The following TRPC4 variants were observed in gnomAD, a reference collection of about 807,000 sequenced individuals.
TRPC4 encodes the protein transient receptor potential cation channel subfamily C member 4, also known as short transient receptor potential channel 4.
Under a neutral mutation model 99.4 loss-of-function variants are expected in TRPC4, and 49 were observed. The observed-to-expected ratio is 0.49, with a 90% CI of 0.39 to 0.63. The LOEUF (loss-of-function observed/expected upper bound fraction) is 0.63. Among genes scored for constraint, TRPC4 ranks in the 20% least tolerant of loss-of-function variants. TRPC4 has a pLI of 0.00. For synonymous variants in TRPC4, 454 were observed against 425.9 expected (o/e 1.07, Z -0.81); for missense variants, 898 against 1,152.9 (o/e 0.78, Z 3.20).
At chr13:37,718,835 G>A (rs1403234105) in intron 3 of TRPC4, among the ~76,000 whole-genome samples, 3 of 152,002 alleles carry the variant, frequency 2.0e-5, no homozygotes, top group Non-Finnish European at 4.4e-5. Context: ...AACAGAAAGA[G>A]AATGAGTCAG....
chr13:37,741,934 G>GAAAAA (rs369211542), intron 3 of TRPC4, among the ~76,000 whole-genome samples: 294 of 145,796 alleles, frequency 2.0e-3, no homozygotes, highest in African/African-American at 7.0e-3. Context: ...ATTTTTTCAT[G>GAAAAA]AAAAAAAAAA....
intron 2 of TRPC4, among the ~76,000 whole-genome samples, chr13:37,756,665 T>C (rs945034781): frequency 6.6e-6 from 1 of 151,872 alleles, no homozygotes; most frequent in Admixed American, 6.6e-5. Context: ...CCCGAGTAGC[T>C]GGGATTACAG....
chr13:37,750,515 T>C (rs1271778969), intron 2 of TRPC4, among the ~76,000 whole-genome samples: 4 of 152,150 alleles, frequency 2.6e-5, no homozygotes, highest in Non-Finnish European at 5.9e-5. Context: ...ATGGATATAA[T>C]CATATAATTA....
At chr13:37,711,543 T>C (rs538952061) in intron 3 of TRPC4, among the ~76,000 whole-genome samples, 81 of 152,132 alleles carry the variant, frequency 5.3e-4, no homozygotes, top group Non-Finnish European at 8.4e-4. Context: ...ATCACCAAAA[T>C]GTGAATAAAT....
chr13:37,824,202 A>G (rs1346150226), intron 1 of TRPC4, among the ~76,000 whole-genome samples: 1 of 150,946 alleles, frequency 6.6e-6, no homozygotes, highest in Non-Finnish European at 1.5e-5. Context: ...TAGATATAAA[A>G]TCATGTCATC....
intron 6 of TRPC4, among the ~76,000 whole-genome samples, chr13:37,660,516 T>G (rs867426637): frequency 7.2e-5 from 11 of 152,092 alleles, no homozygotes; most frequent in Non-Finnish European, 1.5e-4. Context: ...ATGAAAGGAA[T>G]GAAACAGGAG....
intron 1 of TRPC4, among the ~76,000 whole-genome samples, chr13:37,795,992 T>C (rs1296408277): frequency 1.3e-5 from 2 of 152,078 alleles, no homozygotes; most frequent in Non-Finnish European, 2.9e-5. Flanking sequence ...ATGCTGATGG[T>C]TTCAGTGAGA....
intron 2 of TRPC4, among the ~76,000 whole-genome samples, chr13:37,752,032 CA>C (rs1233838197): frequency 8.4e-6 from 1 of 118,622 alleles, no homozygotes; most frequent in Non-Finnish European, 1.8e-5. Context: ...CTATATATAG[CA>C]GAAAGCTTCA....
chr13:37,856,086 CA>C (rs1313047397), intron 1 of TRPC4, among the ~76,000 whole-genome samples: 1 of 151,558 alleles, frequency 6.6e-6, no homozygotes, highest in Non-Finnish European at 1.5e-5. Context: ...ATCAATGAAA[CA>C]AAAAGTTTGT....
chr13:37,753,660 A>G (rs1464605912), intron 2 of TRPC4, among the ~76,000 whole-genome samples: 1 of 152,036 alleles, frequency 6.6e-6, no homozygotes, highest in Non-Finnish European at 1.5e-5. Flanking sequence ...TAAAGCAAAC[A>G]TATCAGAGAA....
chr13:37,677,551 C>T (rs781404755), intron 4 of TRPC4, among the ~76,000 whole-genome samples: 14 of 151,986 alleles, frequency 9.2e-5, no homozygotes, highest in African/African-American at 3.1e-4. Context: ...AGCAATGTTA[C>T]TAGGTATATA....
intron 1 of TRPC4, among the ~76,000 whole-genome samples, chr13:37,829,226 T>G (rs1454486604): frequency 6.6e-6 from 1 of 152,176 alleles, no homozygotes; most frequent in East Asian, 1.9e-4. Context: ...AAAGGTCTTG[T>G]GTCCAGAATA....
chr13:37,762,568 G>A (rs1956251304), intron 2 of TRPC4, among the ~76,000 whole-genome samples: 1 of 151,464 alleles, frequency 6.6e-6, no homozygotes, highest in Admixed American at 6.6e-5. Flanking sequence ...TCCTTTGTAT[G>A]GACATGGATG....
intron 1 of TRPC4, among the ~76,000 whole-genome samples, chr13:37,842,812 G>A (rs1167028374): frequency 6.6e-6 from 1 of 152,202 alleles, no homozygotes; most frequent in East Asian, 1.9e-4. Flanking sequence ...TCAGGTCATA[G>A]AGCTTTTTGA....
intron 2 of TRPC4, among the ~76,000 whole-genome samples, chr13:37,761,354 G>A (rs1459231065): frequency 1.3e-5 from 2 of 151,806 alleles, no homozygotes; most frequent in Admixed American, 1.3e-4. Context: ...AGAAATCCAT[G>A]CAGCCTGACT....
intron 3 of TRPC4, among the ~76,000 whole-genome samples, chr13:37,708,224 G>A (rs986629993): frequency 6.6e-6 from 1 of 152,058 alleles, no homozygotes; most frequent in Non-Finnish European, 1.5e-5. Flanking sequence ...AAGCTATAAG[G>A]AGATTTAAAA....
chr13:37,689,458 C>T (rs956816570), intron 4 of TRPC4, among the ~76,000 whole-genome samples: 2 of 152,188 alleles, frequency 1.3e-5, no homozygotes, highest in Admixed American at 6.5e-5. Flanking sequence ...GATATATAAA[C>T]ATTTTTCCTC....
At chr13:37,818,088 C>T (rs75856343) in intron 1 of TRPC4, among the ~76,000 whole-genome samples, 4,777 of 151,738 alleles carry the variant, frequency 0.031, 159 homozygotes, top group East Asian at 0.1. Flanking sequence ...TGATTAATAG[C>T]GTGAACAGAC....
At chr13:37,759,466 A>G (rs904696474) in intron 2 of TRPC4, among the ~76,000 whole-genome samples, 8 of 151,890 alleles carry the variant, frequency 5.3e-5, no homozygotes, top group Non-Finnish European at 7.4e-5. Context: ...AAAATAAGCT[A>G]CTAAACTACA....
Sources: gnomAD v4.1 joint callset for allele counts (sites outside exome capture counted in the v4.1 genomes callset) on GRCh38, gnomAD v4.1.1 for gene constraint, MANE v1.5 for transcripts, NCBI Gene and HGNC (gene_info 2026-07-23, HGNC 2026-07-21) for gene names.